SMAD6: variants seen among roughly 807,000 people sequenced by gnomAD.
SMAD6 encodes SMAD family member 6, also known as MAD homolog 6.
A neutral mutation model predicts 39.4 loss-of-function variants in SMAD6; 103 were observed. That is an observed-to-expected ratio of 2.62 (90% confidence interval 2.23 to 3.08). The LOEUF is 3.08. SMAD6 is among the 30% of genes most tolerant of loss of function. The pLI is 0.00. For missense variants in SMAD6, 1,104 were observed against 742.9 expected (o/e 1.49, Z -5.65); for synonymous variants, 445 against 353.3 (o/e 1.26, Z -2.91).
chr15:66,706,695 A>C (rs1048475319), intron 1 of SMAD6: 1 of 152,456 alleles, frequency 6.6e-6, no homozygotes, highest in African/African-American at 2.4e-5. Flanking sequence ...GCTAGCGAGC[A>C]AAGTACACTG....
intron 3 of SMAD6, among the ~76,000 whole-genome samples, chr15:66,748,207 T>C (rs2140644275): frequency 1.5e-5 from 2 of 136,370 alleles, no homozygotes; most frequent in South Asian, 4.4e-4. Context: ...TTCTTCCCAT[T>C]TTTTTTTTTT....
At chr15:66,710,983 G>A (rs1319782491) in intron 1 of SMAD6, among the ~76,000 whole-genome samples, 2 of 152,184 alleles carry the variant, frequency 1.3e-5, no homozygotes, top group Admixed American at 1.3e-4. Context: ...CTGCACCTAG[G>A]AATGCTAGCT....
intron 3 of SMAD6, among the ~76,000 whole-genome samples, chr15:66,763,683 C>A (rs1168315489): frequency 2.0e-5 from 3 of 152,222 alleles, no homozygotes; most frequent in Non-Finnish European, 4.4e-5. Context: ...GCTGCTTCCT[C>A]CCAGGGAGAG....
At chr15:66,770,311 T>C (rs1894358732) in intron 3 of SMAD6, among the ~76,000 whole-genome samples, 1 of 152,234 alleles carries the variant, frequency 6.6e-6, no homozygotes, top group South Asian at 2.1e-4. Context: ...ATGCCTGAGA[T>C]GAGAACTCAG....
In SMAD6 at chr15:66,719,866, C is replaced by T. The variant is rs148941532; in HGVS notation, c.952+3368C>T. Among the ~76,000 whole-genome samples the T allele has an allele frequency of 3.6e-3, 546 of 152,186 alleles. 3 individuals are homozygous for T. The highest frequency in any genetic ancestry group is 0.013 in the African/African-American group (533 of 41,502). ...TCCCAATTTGGATACGTGATTCCCA[C>T]TAAACAGTGTAGAGGGGGCAAGTGG... On this transcript the variant is annotated intron_variant, in intron 3 of 3. Transcript: ENST00000288840.
chr15:66,703,351 T>C lies in SMAD6; in HGVS notation c.93T>C (p.Gly31=), dbSNP rs780659575. Residue 31 remains glycine (G), a synonymous_variant, in exon 1 of 4, where the codon GGT becomes GGC. Coordinates refer to ENST00000288840, the MANE Select transcript of SMAD6 (RefSeq NM_005585.5). ...AGGAAGGCGGCAGCGGCGGCGGCGGTGGCGGCGACGAGGATGGGAGCTTGG... is the reference window on the plus strand; with the variant it reads ...AGGAAGGCGGCAGCGGCGGCGGCGGCGGCGGCGACGAGGATGGGAGCTTGG... ...DREEGGSGGG[G]GGDEDGSLGS... The C allele has an allele frequency of 7.8e-5, 115 of 1,479,408 alleles. No homozygotes were observed. In the South Asian group the frequency reaches 1.3e-3, roughly 16 times the overall value. 91.6% of individuals were successfully genotyped at this position (1,479,408 alleles called of 1,614,324 possible). A position where few individuals can be genotyped will look rare whatever the true frequency, so the allele number is the denominator to read the frequency against.
At chr15:66,711,261 AC>A (rs1250573142) in intron 1 of SMAD6, among the ~76,000 whole-genome samples, 1 of 152,158 alleles carries the variant, frequency 6.6e-6, no homozygotes, top group African/African-American at 2.4e-5. Flanking sequence ...CCCTGCACTC[AC>A]GTTTCTCTTG....
At chr15:66,733,951 G>C (rs1312695867) in intron 3 of SMAD6, among the ~76,000 whole-genome samples, 1 of 152,200 alleles carries the variant, frequency 6.6e-6, no homozygotes, top group Non-Finnish European at 1.5e-5. Context: ...AGAACTGACA[G>C]GGCAGGGCAC....
At chr15:66,764,034 T>C (rs1262751251) in intron 3 of SMAD6, among the ~76,000 whole-genome samples, 1 of 152,176 alleles carries the variant, frequency 6.6e-6, no homozygotes, top group Non-Finnish European at 1.5e-5. Context: ...CGCTGACAGC[T>C]CAGGGGCTCC....
At chr15:66,770,667 A>G (rs1385655122) in intron 3 of SMAD6, among the ~76,000 whole-genome samples, 3 of 152,198 alleles carry the variant, frequency 2.0e-5, no homozygotes, top group Non-Finnish European at 4.4e-5. Context: ...GCTTTGTTAC[A>G]GAAACTGGTT....
chr15:66,767,053 T>TA (rs1232612378), intron 3 of SMAD6, among the ~76,000 whole-genome samples: 2 of 152,160 alleles, frequency 1.3e-5, no homozygotes, highest in African/African-American at 4.8e-5. Context: ...ATGAAACTCT[T>TA]ACTGAGATAA....
intron 3 of SMAD6, among the ~76,000 whole-genome samples, chr15:66,764,413 G>A (rs778806569): frequency 1.4e-3 from 211 of 151,826 alleles, no homozygotes; most frequent in Non-Finnish European, 2.3e-3. Context: ...GGTGGGATGC[G>A]TGCTTTATCC....
At chr15:66,720,886 T>C (rs1893420509) in intron 3 of SMAD6, among the ~76,000 whole-genome samples, 1 of 152,160 alleles carries the variant, frequency 6.6e-6, no homozygotes, top group Non-Finnish European at 1.5e-5. Flanking sequence ...CCTCTGTGCC[T>C]GGTATCTCAG....
intron 3 of SMAD6, among the ~76,000 whole-genome samples, chr15:66,761,447 G>C (rs1894197332): frequency 1.3e-5 from 2 of 152,220 alleles, no homozygotes; most frequent in Non-Finnish European, 2.9e-5. Flanking sequence ...CACTTTGCAG[G>C]CACAGGCAGG....
chr15:66,780,945 C>T (rs561220582), intron 3 of SMAD6, 52 bp from the exon 4 acceptor site: 12 of 1,491,566 alleles, frequency 8.0e-6, no homozygotes, highest in Non-Finnish European at 8.9e-6. Context: ...TCCTCGGTGC[C>T]TCCCACCTCC....
intron 3 of SMAD6, among the ~76,000 whole-genome samples, chr15:66,755,194 T>C (rs1386457906): frequency 2.0e-5 from 3 of 152,318 alleles, no homozygotes; most frequent in Middle Eastern, 3.4e-3. Context: ...GGAGGAGTCA[T>C]GGCCCACTAC....
At chr15:66,744,220 A>AACC (rs1409695902) in intron 3 of SMAD6, among the ~76,000 whole-genome samples, 1 of 152,110 alleles carries the variant, frequency 6.6e-6, no homozygotes, top group African/African-American at 2.4e-5. Context: ...AAAAAACAAA[A>AACC]ACCGCGGCTC....
rs183275359 is a variant in SMAD6, at chr15:66,757,111, T to A, written c.953-23886T>A. ...CCCTGAGCCTCAGTTTCCCCATCTG[T>A]AGTGTACGTGATAGTCCTCGTCTCC... is the stretch of plus-strand genomic sequence containing the variant. On this transcript the variant is annotated intron_variant, in intron 3 of 3. Transcript: ENST00000288840. 6.3e-4 allele frequency among the ~76,000 whole-genome samples: 96 copies of A among 152,302 alleles called. 1 individual carries two copies. Among genetic ancestry groups the A allele is most frequent in the African/African-American group, 2.2e-3 (91 of 41,548 alleles).
intron 2 of SMAD6, among the ~76,000 whole-genome samples, chr15:66,715,341 A>G (rs907111688): frequency 6.6e-6 from 1 of 151,518 alleles, no homozygotes; most frequent in Admixed American, 6.6e-5. Context: ...CTGCTCCCCA[A>G]GCCATGTGGT....
Sources: allele counts gnomAD v4.1 joint callset (sites outside exome capture counted in the v4.1 genomes callset), GRCh38; gene constraint gnomAD v4.1.1; transcripts MANE v1.5; gene names NCBI Gene and HGNC (gene_info 2026-07-23, HGNC 2026-07-21).